ST6GALNAC3: variants seen among roughly 807,000 people sequenced by gnomAD.
ST6GALNAC3 encodes alpha-N-acetylgalactosaminide alpha-2,6-sialyltransferase 3.
A neutral mutation model predicts 32.7 loss-of-function variants in ST6GALNAC3; 25 were observed. That is an observed-to-expected ratio of 0.76 (90% CI 0.56 to 1.07). The LOEUF (loss-of-function observed/expected upper bound fraction) is 1.07. ST6GALNAC3 is among the 50% of genes least tolerant of loss of function. The probability of loss-of-function intolerance (pLI) is 0.00; values close to 1 mark genes in which losing one functional copy is unlikely to be tolerated. For missense variants in ST6GALNAC3, 355 were observed against 382.4 expected, an observed-to-expected ratio of 0.93 and a Z score of 0.60; for synonymous variants, 129 against 133.1, an observed-to-expected ratio of 0.97 and a Z score of 0.21.
chr1:76,198,819 T>C (rs1429324431), intron 1 of ST6GALNAC3, among the ~76,000 whole-genome samples: 1 of 152,148 alleles, frequency 6.6e-6, no homozygotes, highest in East Asian at 1.9e-4. Context: ...TAGAGTTCGG[T>C]TTCTGGAACT....
intron 1 of ST6GALNAC3, among the ~76,000 whole-genome samples, chr1:76,141,787 A>G (rs1224223936): frequency 2.0e-5 from 3 of 152,208 alleles, no homozygotes; most frequent in Non-Finnish European, 4.4e-5. Context: ...CATGTAATTC[A>G]GTCTCCTCAT....
intron 3 of ST6GALNAC3, among the ~76,000 whole-genome samples, chr1:76,423,305 T>C (rs139812732): frequency 5.9e-5 from 9 of 152,120 alleles, no homozygotes; most frequent in East Asian, 3.9e-4. Flanking sequence ...CTCTGACTTA[T>C]CATGTTAGAA....
chr1:76,309,704 C>T (rs1276436382), intron 1 of ST6GALNAC3, among the ~76,000 whole-genome samples: 2 of 152,072 alleles, frequency 1.3e-5, no homozygotes, highest in East Asian at 1.9e-4. Context: ...GAATCAAACC[C>T]GGGCAATGTA....
At chr1:76,601,132 G>C (rs531528469) in intron 3 of ST6GALNAC3, among the ~76,000 whole-genome samples, 1 of 151,994 alleles carries the variant, frequency 6.6e-6, no homozygotes, top group Non-Finnish European at 1.5e-5. Context: ...GGGAAGTGGA[G>C]GTTTACAGTG....
At chr1:76,163,683 CTTAAA>C (rs144343212) in intron 1 of ST6GALNAC3, among the ~76,000 whole-genome samples, 1,677 of 152,174 alleles carry the variant, frequency 0.011, 29 homozygotes, top group East Asian at 0.044. Flanking sequence ...AATGGTGTGT[CTTAAA>C]TTCAGTGACA....
intron 1 of ST6GALNAC3, among the ~76,000 whole-genome samples, chr1:76,122,446 A>G (rs2783661): frequency 0.037 from 5,679 of 152,170 alleles, 250 homozygotes; most frequent in African/African-American, 0.099. Flanking sequence ...ACAAGTGAAC[A>G]GCTCTCTCTC....
At chr1:76,327,624 G>A (rs1333045431) in intron 2 of ST6GALNAC3, among the ~76,000 whole-genome samples, 1 of 152,160 alleles carries the variant, frequency 6.6e-6, no homozygotes, top group Non-Finnish European at 1.5e-5. Flanking sequence ...CAGCCTCACT[G>A]TGTCGCCCGG....
intron 3 of ST6GALNAC3, among the ~76,000 whole-genome samples, chr1:76,544,947 A>C (rs995462857): frequency 1.2e-4 from 18 of 152,210 alleles, no homozygotes; most frequent in African/African-American, 4.3e-4. Flanking sequence ...TCAATTCTTT[A>C]ATTTAAGGAC....
chr1:76,403,985 T>C (rs1045526098), intron 2 of ST6GALNAC3, among the ~76,000 whole-genome samples: 1 of 152,160 alleles, frequency 6.6e-6, no homozygotes, highest in South Asian at 2.1e-4. Context: ...CACATGTACA[T>C]GTTTATGCAG....
chr1:76,272,350 A>G (rs1256289519), intron 1 of ST6GALNAC3, among the ~76,000 whole-genome samples: 1 of 151,850 alleles, frequency 6.6e-6, no homozygotes, highest in South Asian at 2.1e-4. Flanking sequence ...AAAAAATTAA[A>G]ACACCGTTCA....
In ST6GALNAC3 at chr1:76,454,059, T is replaced by C. The variant is rs574432313; in HGVS notation, c.623+41642T>C. Among the ~76,000 whole-genome samples, 4 of 152,276 alleles carry C rather than the reference T, an allele frequency of 2.6e-5. No homozygotes were observed. The South Asian group carries it at 8.3e-4, about 32-fold the overall frequency. On this transcript the variant is annotated intron_variant, in intron 3 of 4. Transcript: ENST00000328299. ...CTCTCTGTGTATTTTTTAACTGCTGTTGCTTTAATGTTTGTTTTGTCTGAT... is the reference window on the plus strand; with the variant it reads ...CTCTCTGTGTATTTTTTAACTGCTGCTGCTTTAATGTTTGTTTTGTCTGAT...
intron 3 of ST6GALNAC3, among the ~76,000 whole-genome samples, chr1:76,525,813 A>ATATATATATACG (rs1662873412): frequency 1.5e-5 from 2 of 134,278 alleles, no homozygotes; most frequent in Non-Finnish European, 3.3e-5. Flanking sequence ...ATATATATAT[A>ATATATATATACG]TATATATATA....
At chr1:76,587,312 A>G (rs1646976478) in intron 3 of ST6GALNAC3, among the ~76,000 whole-genome samples, 1 of 152,176 alleles carries the variant, frequency 6.6e-6, no homozygotes, top group South Asian at 2.1e-4. Context: ...CCTGGTCAGT[A>G]CACAGTGAGT....
chr1:76,549,927 T>G (rs960627021), intron 3 of ST6GALNAC3, among the ~76,000 whole-genome samples: 1 of 152,172 alleles, frequency 6.6e-6, no homozygotes, highest in Non-Finnish European at 1.5e-5. Context: ...TCCCTGACAA[T>G]GAGGAAGGTC....
intron 1 of ST6GALNAC3, among the ~76,000 whole-genome samples, chr1:76,254,839 C>T (rs1412445881): frequency 6.6e-6 from 1 of 151,984 alleles, no homozygotes; most frequent in Non-Finnish European, 1.5e-5. Context: ...AGGGCCTCTT[C>T]AGGGTGTGGC....
rs544966754 is a variant in ST6GALNAC3, at chr1:76,085,675, G to C, written c.18+10791G>C. ...ACTGTTTCTGATTCTTCCAGTCTGG[G>C]GTATGACTCAAGAATTTGTATCTCT... On this transcript the variant is annotated intron_variant, in intron 1 of 4. Coordinates refer to ENST00000328299, the MANE Select transcript of ST6GALNAC3 (RefSeq NM_152996.4). Among the ~76,000 whole-genome samples the C allele has an allele frequency of 9.0e-4, 137 of 152,228 alleles. 1 individual carries two copies. The highest frequency in any genetic ancestry group is 3.2e-3 in the African/African-American group (132 of 41,528).
intron 3 of ST6GALNAC3, among the ~76,000 whole-genome samples, chr1:76,539,315 G>A (rs1220181183): frequency 6.6e-6 from 1 of 152,182 alleles, no homozygotes; most frequent in Non-Finnish European, 1.5e-5. Context: ...CTAGCCATAT[G>A]CAGAAAACTG....
intron 3 of ST6GALNAC3, among the ~76,000 whole-genome samples, chr1:76,579,288 G>A (rs1646857965): frequency 6.6e-6 from 1 of 151,954 alleles, no homozygotes; most frequent in African/African-American, 2.4e-5. Context: ...GGTCTCTGCA[G>A]CCCCATCTTC....
At chr1:76,533,293 C>T (rs901009946) in intron 3 of ST6GALNAC3, among the ~76,000 whole-genome samples, 6 of 151,486 alleles carry the variant, frequency 4.0e-5, no homozygotes, top group African/African-American at 1.5e-4. Context: ...CTGTCGTGGT[C>T]TTCTCAGGGA....
Sources: gnomAD v4.1 joint callset for allele counts (sites outside exome capture counted in the v4.1 genomes callset) on GRCh38, gnomAD v4.1.1 for gene constraint, MANE v1.5 for transcripts, NCBI Gene and HGNC (gene_info 2026-07-23, HGNC 2026-07-21) for gene names.